Variants in FOXP1 observed in about 807,000 individuals in gnomAD.
FOXP1 encodes forkhead box protein P1.
A neutral mutation model predicts 98.2 loss-of-function variants in FOXP1; 15 were observed. That is an observed-to-expected ratio of 0.15 (90% CI 0.10 to 0.24). FOXP1 has a LOEUF of 0.24. Ranked by LOEUF, FOXP1 falls within the 10% of genes least tolerant of loss-of-function variation. FOXP1 has a pLI of 1.00. For missense variants in FOXP1, 633 were observed against 848.5 expected (o/e 0.75, Z 3.15); for synonymous variants, 371 against 314.5 (o/e 1.18, Z -1.90).
At chr3:71,294,768 G>C (rs2073116908) in intron 5 of FOXP1, among the ~76,000 whole-genome samples, 3 of 152,270 alleles carry the variant, frequency 2.0e-5, no homozygotes, top group Middle Eastern at 6.8e-3. Context: ...AGCCCTCAAA[G>C]TTTGCTGGGC....
intron 5 of FOXP1, among the ~76,000 whole-genome samples, chr3:71,246,245 C>T (rs1037829380): frequency 1.3e-5 from 2 of 152,144 alleles, no homozygotes; most frequent in South Asian, 2.1e-4. Context: ...GCTTCGGTAG[C>T]GGCCAGCCCT....
intron 4 of FOXP1, among the ~76,000 whole-genome samples, chr3:71,301,565 A>C (rs1456776526): frequency 1.3e-5 from 2 of 152,188 alleles, no homozygotes; most frequent in Non-Finnish European, 2.9e-5. Context: ...TCTCCAATAC[A>C]TGCACTGTAA....
intron 3 of FOXP1, among the ~76,000 whole-genome samples, chr3:71,376,886 C>A (rs771703797): frequency 6.6e-6 from 1 of 151,764 alleles, no homozygotes; most frequent in Non-Finnish European, 1.5e-5. Context: ...TACAAAGAAG[C>A]AAAGATAAAG....
chr3:71,028,907 A>T (rs1230208618), intron 11 of FOXP1, among the ~76,000 whole-genome samples: 1 of 152,126 alleles, frequency 6.6e-6, no homozygotes, highest in Non-Finnish European at 1.5e-5. Context: ...TCACAATAGG[A>T]TTCACGCTCC....
At chr3:71,581,468 C>T (rs2048164794) in intron 2 of FOXP1, 81 bp downstream of exon 2, 1 of 985,372 alleles carries the variant, frequency 1.0e-6, no homozygotes, top group Non-Finnish European at 1.2e-6. Context: ...CCGGCTGGCT[C>T]TTTGGGGACG....
intron 5 of FOXP1, among the ~76,000 whole-genome samples, chr3:71,259,229 G>T (rs1279846236): frequency 1.3e-5 from 2 of 152,198 alleles, no homozygotes; most frequent in Non-Finnish European, 2.9e-5. Context: ...GCTTCTAACA[G>T]AACCCAGAAG....
chr3:71,539,391 G>C (rs968524763), intron 2 of FOXP1, among the ~76,000 whole-genome samples: 1 of 150,892 alleles, frequency 6.6e-6, no homozygotes, highest in Non-Finnish European at 1.5e-5. Context: ...AAAGTGCTGG[G>C]ATTACAGGCG....
chr3:71,264,475 A>C (rs191648005), intron 5 of FOXP1, among the ~76,000 whole-genome samples: 36 of 152,348 alleles, frequency 2.4e-4, no homozygotes, highest in Non-Finnish European at 4.7e-4. Flanking sequence ...TGATATCAGG[A>C]ATGGAGAGCC....
intron 3 of FOXP1, among the ~76,000 whole-genome samples, chr3:71,467,389 T>C (rs902552669): frequency 1.3e-5 from 2 of 152,138 alleles, no homozygotes; most frequent in African/African-American, 4.8e-5. Flanking sequence ...GACAAGTTAA[T>C]AGAAGGATAC....
At chr3:71,402,634 G>A (rs1001897008) in intron 3 of FOXP1, among the ~76,000 whole-genome samples, 2 of 152,148 alleles carry the variant, frequency 1.3e-5, no homozygotes, top group African/African-American at 4.8e-5. Context: ...ATACAATATA[G>A]TTTGATACTA....
At chr3:71,171,193 T>C (rs2061636794) in intron 6 of FOXP1, among the ~76,000 whole-genome samples, 1 of 152,036 alleles carries the variant, frequency 6.6e-6, no homozygotes. Flanking sequence ...GGGTAAAAAG[T>C]TGGCATCGTG....
chr3:71,509,772 T>G (rs2042068411), intron 2 of FOXP1, among the ~76,000 whole-genome samples: 1 of 152,076 alleles, frequency 6.6e-6, no homozygotes, highest in Non-Finnish European at 1.5e-5. Flanking sequence ...TCTTAGCTAC[T>G]CAGGAGGTTG....
Position 71,219,160 on chromosome 3 carries a change from C to G in FOXP1, c.-11-20768G>C, listed in dbSNP as rs998655202. Among the ~76,000 whole-genome samples, 6 of 152,300 alleles carry G rather than the reference C, an allele frequency of 3.9e-5. No individual in the cohort carries two copies. In the East Asian group the frequency reaches 1.2e-3, roughly 29 times the overall value. On this transcript the variant is annotated intron_variant, in intron 5 of 20. Transcript: ENST00000649528. Reference sequence around the variant, plus strand: ...TTAAATATTACCTGCCTCTCCATACCCTTGCCTGGGAGCATGCCCTCATCA... The same window carrying G: ...TTAAATATTACCTGCCTCTCCATACGCTTGCCTGGGAGCATGCCCTCATCA...
chr3:71,197,356 G>GAAAA (rs1182101484), intron 6 of FOXP1, among the ~76,000 whole-genome samples: 5 of 152,140 alleles, frequency 3.3e-5, no homozygotes, highest in Non-Finnish European at 7.3e-5. Flanking sequence ...AATCAGGAAA[G>GAAAA]GCGGGAAAAC....
chr3:71,028,331 G>A (rs1190521674), intron 11 of FOXP1, among the ~76,000 whole-genome samples: 2 of 152,164 alleles, frequency 1.3e-5, no homozygotes, highest in South Asian at 2.1e-4. Context: ...AGGTGGGGAC[G>A]TTGTAAGGCA....
At chr3:71,177,840 CTTTTTTTTTTT>C (rs397704711) in intron 6 of FOXP1, among the ~76,000 whole-genome samples, 1 of 114,942 alleles carries the variant, frequency 8.7e-6, no homozygotes, top group Non-Finnish European at 1.7e-5. Flanking sequence ...TTCTTTCTTT[CTTTTTTTTTTT>C]TTTTTTTTGA....
chr3:71,035,918 A>G (rs2047517718), intron 11 of FOXP1, among the ~76,000 whole-genome samples: 1 of 152,234 alleles, frequency 6.6e-6, no homozygotes, highest in Non-Finnish European at 1.5e-5. Context: ...ACTAACTTCT[A>G]GAATTTTAGC....
intron 7 of FOXP1, among the ~76,000 whole-genome samples, chr3:71,083,983 C>T (rs1280182404): frequency 6.6e-6 from 1 of 152,166 alleles, no homozygotes; most frequent in African/African-American, 2.4e-5. Context: ...AGGGAAACCC[C>T]AAATTACAAG....
At chr3:71,151,544 A>T (rs2060572884) in intron 6 of FOXP1, among the ~76,000 whole-genome samples, 1 of 152,132 alleles carries the variant, frequency 6.6e-6, no homozygotes, top group Non-Finnish European at 1.5e-5. Context: ...ACACGAAGGA[A>T]CATTTCAAGG....
Sources: allele counts gnomAD v4.1 joint callset (sites outside exome capture counted in the v4.1 genomes callset), GRCh38; gene constraint gnomAD v4.1.1; transcripts MANE v1.5; gene names NCBI Gene and HGNC (gene_info 2026-07-23, HGNC 2026-07-21).